The following LIPI variants were observed in gnomAD, a reference collection of about 807,000 sequenced individuals.
The protein encoded by LIPI is lipase I, also known as lipase member I.
In LIPI, 59 loss-of-function variants were observed where a neutral mutation model predicts 50.6. That is an observed-to-expected ratio of 1.16 (90% CI 0.94 to 1.45). The LOEUF is 1.45. Ranked by LOEUF, LIPI falls within the 40% of genes most tolerant of loss-of-function variation. The pLI is 0.00. For synonymous variants in LIPI, 203 were observed against 178.2 expected (o/e 1.14, Z -1.11); for missense variants, 586 against 536.3 (o/e 1.09, Z -0.92).
intron 4 of LIPI, among the ~76,000 whole-genome samples, chr21:14,177,158 C>A (rs2019126074): frequency 6.6e-6 from 1 of 152,028 alleles, no homozygotes; most frequent in Admixed American, 6.6e-5. Context: ...ATACAAACTA[C>A]AATTGTTATA....
chr21:14,193,987 T>C lies in LIPI; in HGVS notation c.47-4568A>G, dbSNP rs191507203. ...AATTAAAACTGGGCAAAGACTTAAA[T>C]TGACTTATCAATGAAGATATCCAAA... On this transcript the variant is annotated intron_variant, in intron 1 of 9. Transcript: ENST00000681601. Among the ~76,000 whole-genome samples the C allele has an allele frequency of 6.2e-4, 94 of 152,240 alleles. 1 individual carries two copies. Among genetic ancestry groups the C allele is most frequent in the African/African-American group, 2.0e-3 (85 of 41,550 alleles).
chr21:14,178,474 A>G (rs1054945137), intron 4 of LIPI, among the ~76,000 whole-genome samples: 1 of 151,908 alleles, frequency 6.6e-6, no homozygotes, highest in Non-Finnish European at 1.5e-5. Flanking sequence ...CCTATTTCTA[A>G]TTTTCTGTTA....
rs778338666 is a variant in LIPI at position 14,165,273 on chromosome 21, C to T, written c.851G>A (p.Ser284Asn). Reference protein sequence around the residue: ...PCRSYKDYKTSLCVDCDCFKE... With the variant: ...PCRSYKDYKTNLCVDCDCFKE... ...AAAACAGTCACAGTCCACACATAAG[C>T]TAGTCTTGTAATCTTTGTATGAACG... Residue 284 changes from serine to asparagine, a missense_variant, in exon 6 of 10, where the codon AGC becomes AAC. Transcript: ENST00000681601. 3.7e-6 allele frequency: 6 copies of T among 1,612,812 alleles called. No homozygotes were observed. The East Asian group carries it at 8.9e-5, about 24-fold the overall frequency.
chr21:14,182,997 A>T (rs1005813190), intron 3 of LIPI, among the ~76,000 whole-genome samples: 9 of 152,148 alleles, frequency 5.9e-5, no homozygotes, highest in African/African-American at 1.9e-4. Flanking sequence ...ATGGAACCAA[A>T]AAAGAGCCCG....
chr21:14,131,248 G>A (rs954829990), intron 9 of LIPI, among the ~76,000 whole-genome samples: 9 of 152,010 alleles, frequency 5.9e-5, no homozygotes, highest in African/African-American at 2.2e-4. Flanking sequence ...CTACTTGGAG[G>A]CCCCAAAATC....
chr21:14,163,565 C>G, intron 6 of LIPI, 42 bp from the exon 7 acceptor site: 1 of 944,028 alleles, frequency 1.1e-6, no homozygotes, highest in Non-Finnish European at 1.8e-6. Context: ...GGATTTCCAT[C>G]AAATAACAAA....
rs1285694482 is a variant in LIPI, at chr21:14,125,345, A to G, written c.1296-16265T>C. Reference sequence around the variant, plus strand: ...TTCTATGTGAAGTGGTAAAACTTACATGAAGTTAGACTGTAATAAAGTTAT... The same window carrying G: ...TTCTATGTGAAGTGGTAAAACTTACGTGAAGTTAGACTGTAATAAAGTTAT... On this transcript the variant is annotated intron_variant, in intron 9 of 9. Coordinates refer to ENST00000681601, the MANE Select transcript of LIPI (RefSeq NM_001302998.2). Among the ~76,000 whole-genome samples the G allele has an allele frequency of 5.3e-5, 8 of 152,348 alleles. No individual in the cohort carries two copies. In the East Asian group the frequency reaches 1.3e-3, roughly 26 times the overall value.
At chr21:14,140,605 T>G (rs188899283) in intron 9 of LIPI, among the ~76,000 whole-genome samples, 1 of 152,214 alleles carries the variant, frequency 6.6e-6, no homozygotes, top group African/African-American at 2.4e-5. Flanking sequence ...TTTTTTTGTT[T>G]ATCAGTATAC....
intron 7 of LIPI, among the ~76,000 whole-genome samples, chr21:14,162,698 T>C (rs2123144075): frequency 6.6e-6 from 1 of 152,038 alleles, no homozygotes; most frequent in Admixed American, 6.6e-5. Context: ...GTTTGAAGAA[T>C]AATATATTGA....
chr21:14,121,683 A>G (rs1028141180), intron 9 of LIPI, among the ~76,000 whole-genome samples: 1 of 152,142 alleles, frequency 6.6e-6, no homozygotes, highest in Non-Finnish European at 1.5e-5. Flanking sequence ...TATTGTAATC[A>G]TGTCTACCCC....
intron 9 of LIPI, among the ~76,000 whole-genome samples, chr21:14,127,055 C>G (rs1016778950): frequency 2.6e-5 from 4 of 152,190 alleles, no homozygotes; most frequent in Non-Finnish European, 5.9e-5. Flanking sequence ...GAAGTCACCT[C>G]TGTCGTGCAT....
chr21:14,163,280 C>T, intron 7 of LIPI, 139 bp downstream of exon 7: 1 of 576,748 alleles, frequency 1.7e-6, no homozygotes, highest in Non-Finnish European at 3.1e-6. Context: ...ATTTGTCCCA[C>T]TGGCTATAGC....
At chr21:14,158,023 C>A (rs956454513) in intron 7 of LIPI, among the ~76,000 whole-genome samples, 1 of 151,662 alleles carries the variant, frequency 6.6e-6, no homozygotes, top group South Asian at 2.1e-4. Flanking sequence ...ATGAATTAGG[C>A]AACAAGATTT....
intron 1 of LIPI, among the ~76,000 whole-genome samples, chr21:14,191,233 C>T (rs1036788231): frequency 1.3e-5 from 2 of 151,374 alleles, no homozygotes; most frequent in Non-Finnish European, 2.9e-5. Context: ...AAAAAATAGC[C>T]GGGCGTAGTG....
intron 9 of LIPI, among the ~76,000 whole-genome samples, chr21:14,127,423 G>A (rs992790180): frequency 1.3e-5 from 2 of 152,132 alleles, no homozygotes; most frequent in African/African-American, 4.8e-5. Context: ...ACCACAAAAT[G>A]TATTTTAGTA....
intron 9 of LIPI, among the ~76,000 whole-genome samples, chr21:14,124,467 G>C (rs142403402): frequency 6.6e-6 from 1 of 152,076 alleles, no homozygotes; most frequent in African/African-American, 2.4e-5. Context: ...TGTGCTCAGC[G>C]AGCCTTATCT....
intron 4 of LIPI, among the ~76,000 whole-genome samples, chr21:14,181,262 T>A (rs2123241018): frequency 6.6e-6 from 1 of 152,290 alleles, no homozygotes; most frequent in Middle Eastern, 3.4e-3. Context: ...CAATACCCTG[T>A]TAGAGATTTT....
At chr21:14,197,752 T>A (rs187568111) in intron 1 of LIPI, among the ~76,000 whole-genome samples, 4 of 151,978 alleles carry the variant, frequency 2.6e-5, no homozygotes, top group African/African-American at 7.2e-5. Context: ...AACATTCAAA[T>A]TCAGGAAATG....
chr21:14,150,285 T>G (rs2018045014), intron 8 of LIPI, among the ~76,000 whole-genome samples: 1 of 152,174 alleles, frequency 6.6e-6, no homozygotes, highest in South Asian at 2.1e-4. Context: ...AGGTGAGATT[T>G]GGGTGGGGAC....
Sources: allele counts gnomAD v4.1 joint callset (sites outside exome capture counted in the v4.1 genomes callset), GRCh38; gene constraint gnomAD v4.1.1; transcripts MANE v1.5; gene names NCBI Gene and HGNC (gene_info 2026-07-23, HGNC 2026-07-21).